The following NREP variants were observed in gnomAD, a reference collection of about 807,000 sequenced individuals.
The protein encoded by NREP is neuronal regeneration-related protein.
In NREP, 5 loss-of-function variants were observed where a neutral mutation model predicts 8.6. The ratio of observed to expected loss-of-function variants is 0.58; its 90% CI spans 0.30 to 1.22. The LOEUF is 1.22. Ranked by LOEUF, NREP falls within the 50% of genes most tolerant of loss-of-function variation. The probability of loss-of-function intolerance (pLI) is 0.07; values close to 1 mark genes in which losing one functional copy is unlikely to be tolerated. For synonymous variants in NREP, 27 were observed against 28.0 expected (o/e 0.96, Z 0.11); for missense variants, 86 against 82.5 (o/e 1.04, Z -0.17).
intron 2 of NREP, among the ~76,000 whole-genome samples, chr5:111,857,522 G>C (rs1396981248): frequency 2.6e-5 from 4 of 152,272 alleles, no homozygotes; most frequent in Non-Finnish European, 5.9e-5. Context: ...TAAGCTTCCT[G>C]AGGGTGTGGA....
chr5:111,743,926 A>G (rs1414819726), intron 2 of NREP, among the ~76,000 whole-genome samples: 1 of 152,140 alleles, frequency 6.6e-6, no homozygotes, highest in African/African-American at 2.4e-5. Context: ...TTCCCCCAAC[A>G]ACATGAAAGA....
chr5:111,805,903 T>C (rs1752129791), intron 2 of NREP, among the ~76,000 whole-genome samples: 1 of 58,970 alleles, frequency 1.7e-5, no homozygotes, highest in African/African-American at 5.5e-5. Flanking sequence ...TGCTTGAAAA[T>C]TGTTGAGAGT....
chr5:111,784,444 A>G (rs1035232487), intron 2 of NREP, among the ~76,000 whole-genome samples: 2 of 151,972 alleles, frequency 1.3e-5, no homozygotes, highest in East Asian at 1.9e-4. Context: ...AGCAATATTT[A>G]TTAGGAACTC....
chr5:111,828,971 G>C (rs937714332), intron 2 of NREP, among the ~76,000 whole-genome samples: 2 of 152,076 alleles, frequency 1.3e-5, no homozygotes, highest in Non-Finnish European at 2.9e-5. Context: ...ACAGCCTGTA[G>C]ATTAGAGAGA....
At chr5:111,758,364 T>A (rs1750865743), upstream of NREP, 1 of 665,930 alleles carries the variant, frequency 1.5e-6, no homozygotes, top group Admixed American at 6.3e-5. Flanking sequence ...ATTGTACTTT[T>A]TAAAATCGAG....
At chr5:111,881,196 T>C (rs1754055681) in intron 2 of NREP, among the ~76,000 whole-genome samples, 1 of 152,130 alleles carries the variant, frequency 6.6e-6, no homozygotes, top group East Asian at 1.9e-4. Context: ...GCTCAGAGGG[T>C]CCTACACCCA....
chr5:111,735,436 A>T lies in NREP; in HGVS notation c.75T>A (p.Leu25=). Residue 25 remains leucine (L), a synonymous_variant, in exon 3 of 4, where the codon CTT becomes CTA. Coordinates refer to ENST00000257435, the MANE Select transcript of NREP (RefSeq NM_004772.4). ...PFPNKDMEGR[L]PKGRLPVPKE... Reference sequence around the variant, plus strand: ...TGGCATCTAAGGATCTTACCTTAGGAAGCCTTCCCTCCATGTCCTTGTTTG... The same window carrying T: ...TGGCATCTAAGGATCTTACCTTAGGTAGCCTTCCCTCCATGTCCTTGTTTG... The T allele has an allele frequency of 6.2e-7, 1 of 1,608,880 alleles. No homozygotes were observed. Among genetic ancestry groups the T allele is most frequent in the Non-Finnish European group, 8.5e-7 (1 of 1,175,554 alleles).
intron 2 of NREP, chr5:111,969,572 G>T (rs1756744441): frequency 6.6e-6 from 1 of 152,174 alleles, no homozygotes; most frequent in African/African-American, 2.4e-5. Flanking sequence ...TAAATTGATT[G>T]TTCTCTTTAA....
At chr5:111,783,291 A>T (rs368513032) in intron 2 of NREP, among the ~76,000 whole-genome samples, 1 of 152,240 alleles carries the variant, frequency 6.6e-6, no homozygotes, top group African/African-American at 2.4e-5. Context: ...TTCCTGCTTT[A>T]GCAGATTTTG....
chr5:111,835,383 A>G (rs1450586441), intron 2 of NREP, among the ~76,000 whole-genome samples: 1 of 152,166 alleles, frequency 6.6e-6, no homozygotes, highest in African/African-American at 2.4e-5. Flanking sequence ...CCTGCCCACA[A>G]GGATCTCGCA....
At chr5:111,899,289 G>A (rs1754585999) in intron 2 of NREP, among the ~76,000 whole-genome samples, 1 of 152,148 alleles carries the variant, frequency 6.6e-6, no homozygotes, top group Non-Finnish European at 1.5e-5. Context: ...CAATCAAGGA[G>A]GACTGCTTGT....
At chr5:111,812,735 G>T (rs1360429774) in intron 2 of NREP, among the ~76,000 whole-genome samples, 1 of 151,864 alleles carries the variant, frequency 6.6e-6, no homozygotes, top group East Asian at 1.9e-4. Flanking sequence ...GTAACTCAGT[G>T]GTAGTCCTAA....
intron 2 of NREP, among the ~76,000 whole-genome samples, chr5:111,934,676 C>T (rs1290092404): frequency 6.6e-6 from 1 of 152,086 alleles, no homozygotes; most frequent in East Asian, 1.9e-4. Context: ...AATCAGCCTA[C>T]ATTACTTGCT....
intron 2 of NREP, among the ~76,000 whole-genome samples, chr5:111,949,249 C>T (rs935217740): frequency 2.0e-5 from 3 of 151,952 alleles, no homozygotes; most frequent in Non-Finnish European, 2.9e-5. Context: ...AACATGTGGG[C>T]CACACCATTG....
chr5:111,952,096 C>T (rs569312116), intron 2 of NREP, among the ~76,000 whole-genome samples: 7 of 152,216 alleles, frequency 4.6e-5, no homozygotes, highest in East Asian at 1.9e-4. Flanking sequence ...CTGCAATATA[C>T]GGCCTTCTAC....
intron 2 of NREP, among the ~76,000 whole-genome samples, chr5:111,967,225 G>A (rs1756667478): frequency 6.6e-6 from 1 of 152,248 alleles, no homozygotes; most frequent in Non-Finnish European, 1.5e-5. Context: ...CAGTGCACGA[G>A]CCCGTCATGC....
In NREP at chr5:111,887,967, G is replaced by A. The variant is rs186010742; in HGVS notation, c.135+87307C>T. On this transcript the variant is annotated intron_variant, in intron 2 of 3. Transcript: ENST00000395634. The stretch of plus-strand genomic sequence containing the variant: ...ATTACAAAATCTTTGGAAATTGAAG[G>A]AAAAGTCCTGTCAAATGAATTACTA... Among the ~76,000 whole-genome samples, 446 of 152,244 alleles carry A rather than the reference G, an allele frequency of 2.9e-3. 5 individuals carry two copies. Among genetic ancestry groups the A allele is most frequent in the Admixed American group, 0.028 (430 of 15,282 alleles).
chr5:111,800,989 A>T (rs1751992305), intron 2 of NREP, among the ~76,000 whole-genome samples: 2 of 152,216 alleles, frequency 1.3e-5, no homozygotes, highest in South Asian at 4.1e-4. Flanking sequence ...GCCAAAGGAA[A>T]AAAAAAACTT....
At chr5:111,945,762 C>T (rs1251390052) in intron 2 of NREP, among the ~76,000 whole-genome samples, 1 of 16,226 alleles carries the variant, frequency 6.2e-5, no homozygotes, top group East Asian at 9.5e-4. Flanking sequence ...TTTCACAGCC[C>T]TTCACAGCCC....
Sources: gnomAD v4.1 joint callset for allele counts (sites outside exome capture counted in the v4.1 genomes callset) on GRCh38, gnomAD v4.1.1 for gene constraint, MANE v1.5 for transcripts, NCBI Gene and HGNC (gene_info 2026-07-23, HGNC 2026-07-21) for gene names.